The following MYO1H variants were observed in gnomAD, a reference collection of about 807,000 sequenced individuals.
MYO1H encodes unconventional myosin-Ih.
A neutral mutation model predicts 149.3 loss-of-function variants in MYO1H; 118 were observed. The observed-to-expected ratio is 0.79, with a 90% CI of 0.68 to 0.92. The LOEUF (loss-of-function observed/expected upper bound fraction) is 0.92. Among genes scored for constraint, MYO1H ranks in the 40% least tolerant of loss-of-function variants. The pLI, the probability that MYO1H is intolerant of heterozygous loss-of-function variation, is 0.00. For synonymous variants in MYO1H, 447 were observed against 465.2 expected, an observed-to-expected ratio of 0.96 and a Z score of 0.50; for missense variants, 1,212 against 1,280.7, an observed-to-expected ratio of 0.95 and a Z score of 0.82.
chr12:109,439,770 C>T lies in MYO1H; in HGVS notation c.2434C>T (p.Pro812Ser), dbSNP rs187582554. The stretch of plus-strand genomic sequence containing the variant: ...TGTCCTGGACAAGAGCTGGCTGAGG[C>T]CTCCTGGCATCTTGGAAAATGTAAG... Residue 812 changes from proline (P) to serine (S), a missense_variant, in exon 24 of 32, where the codon CCT becomes TCT. Coordinates refer to ENST00000310903, the Ensembl canonical transcript of MYO1H. 1.1e-4 allele frequency: 179 copies of T among 1,613,802 alleles called. No homozygotes were observed. Among genetic ancestry groups the T allele is most frequent in the Admixed American group, 4.0e-4 (24 of 60,020 alleles).
At chr12:109,420,172 G>A (rs149767719) in intron 15 of MYO1H, among the ~76,000 whole-genome samples, 1 of 152,236 alleles carries the variant, frequency 6.6e-6, no homozygotes, top group Non-Finnish European at 1.5e-5. Flanking sequence ...TTGGACTAGG[G>A]CAAGTGTGCA....
intron 21 of MYO1H, 144 bp from the exon 22 acceptor site, chr12:109,436,344 G>A (rs1200653177): frequency 8.1e-6 from 5 of 615,374 alleles, no homozygotes; most frequent in Non-Finnish European, 1.5e-5. Context: ...CAGGTCTGCA[G>A]TGCTGAAATA....
chr12:109,426,866 C>T (rs1472621652), intron 18 of MYO1H, among the ~76,000 whole-genome samples: 1 of 152,154 alleles, frequency 6.6e-6, no homozygotes, highest in African/African-American at 2.4e-5. Context: ...CTGTGGCAAA[C>T]TGGAGAAGGC....
At chr12:109,356,822 CTTG>C (rs889177677) in intron 1 of MYO1H, among the ~76,000 whole-genome samples, 26 of 152,182 alleles carry the variant, frequency 1.7e-4, no homozygotes, top group African/African-American at 5.8e-4. Flanking sequence ...CAACAGTCCC[CTTG>C]TTGTTAGATA....
chr12:109,418,541 G>GGTTTCGTTTT, intron 15 of MYO1H, among the ~76,000 whole-genome samples: 1 of 151,264 alleles, frequency 6.6e-6, no homozygotes, highest in South Asian at 2.1e-4. Flanking sequence ...GTAGAGACAG[G>GGTTTCGTTTT]GTTTTGTTTT....
the MYO1H span, among the ~76,000 whole-genome samples, chr12:109,339,767 T>C: frequency 6.6e-6 from 1 of 152,188 alleles, no homozygotes; most frequent in East Asian, 1.9e-4. Context: ...CAGCCTTCCT[T>C]ACCATTATGA....
intron 27 of MYO1H, among the ~76,000 whole-genome samples, chr12:109,443,007 A>ATAT (rs1268093912): frequency 9.5e-5 from 8 of 83,910 alleles, no homozygotes; most frequent in Non-Finnish European, 1.6e-4. Flanking sequence ...GAAAAAAAAA[A>ATAT]AAATATATAT....
intron 13 of MYO1H, among the ~76,000 whole-genome samples, chr12:109,411,451 G>A (rs765077510): frequency 1.3e-5 from 2 of 152,138 alleles, no homozygotes; most frequent in Non-Finnish European, 2.9e-5. Context: ...TCTTGAGGAC[G>A]AAAAATAGGA....
intron 3 of MYO1H, 105 bp downstream of exon 3, chr12:109,393,551 C>CCATCCATCCATT (rs1869761772): frequency 4.8e-5 from 29 of 609,978 alleles, no homozygotes; most frequent in African/African-American, 2.5e-4. Flanking sequence ...ATCCATCCAT[C>CCATCCATCCATT]CATCCATCCA....
At chr12:109,396,512 T>C in exon 4 of MYO1H, 2 of 1,613,958 alleles carry the variant, frequency 1.2e-6, no homozygotes, top group Non-Finnish European at 1.7e-6. Flanking sequence ...TATTTTGCAG[T>C]GACCTGCCCA....
At chr12:109,326,635 C>T in the MYO1H span, among the ~76,000 whole-genome samples, 1 of 151,954 alleles carries the variant, frequency 6.6e-6, no homozygotes, top group South Asian at 2.1e-4. Context: ...AATTCTCCTG[C>T]CTCAGCCTCC....
intron 1 of MYO1H, among the ~76,000 whole-genome samples, chr12:109,350,108 T>A (rs558506158): frequency 2.7e-4 from 41 of 152,104 alleles, no homozygotes; most frequent in Non-Finnish European, 4.9e-4. Context: ...ATAACAATGC[T>A]GATTTTAGCG....
chr12:109,412,523 T>C (rs1006443381), intron 14 of MYO1H, among the ~76,000 whole-genome samples: 5 of 152,224 alleles, frequency 3.3e-5, no homozygotes, highest in African/African-American at 9.6e-5. Flanking sequence ...ATTTTGGACA[T>C]GTCTATGTAC....
chr12:109,424,112 G>A (rs945396266), intron 16 of MYO1H, among the ~76,000 whole-genome samples: 11 of 152,134 alleles, frequency 7.2e-5, no homozygotes, highest in African/African-American at 2.7e-4. Flanking sequence ...CACTGTATGT[G>A]TGGTTTTGCG....
intron 19 of MYO1H, among the ~76,000 whole-genome samples, chr12:109,427,910 ATATATATAT>A (rs1370709852): frequency 9.0e-4 from 31 of 34,418 alleles, no homozygotes; most frequent in African/African-American, 2.7e-3. Flanking sequence ...AAAAAAAAAA[ATATATATAT>A]ATATATATAT....
chr12:109,408,813 G>A (rs553378448), intron 10 of MYO1H, among the ~76,000 whole-genome samples: 6 of 151,438 alleles, frequency 4.0e-5, no homozygotes, highest in Non-Finnish European at 8.8e-5. Flanking sequence ...TTTTTGAGAC[G>A]GAGTCCCACT....
rs577872861 is a variant in MYO1H at position 109,378,016 on chromosome 12, T to C, written c.13-10667T>C. ...GAATCTTTTAAAAACATAACCACTA[T>C]GCCATACGTTGTGATTATTGATAAC... On this transcript the variant is annotated intron_variant, in intron 1 of 31. Coordinates refer to ENST00000310903, the Ensembl canonical transcript of MYO1H. 3.9e-5 allele frequency among the ~76,000 whole-genome samples: 6 copies of C among 152,348 alleles called. 1 individual carries two copies. The highest frequency in any genetic ancestry group is 1.4e-4 in the African/African-American group (6 of 41,584).
chr12:109,433,752 C>G (rs1288036732), intron 20 of MYO1H, among the ~76,000 whole-genome samples: 1 of 149,140 alleles, frequency 6.7e-6, no homozygotes, highest in Admixed American at 6.6e-5. Flanking sequence ...GGATCAGTTA[C>G]TTAGTCAGTC....
At chr12:109,383,126 C>T (rs533226699) in intron 1 of MYO1H, among the ~76,000 whole-genome samples, 16 of 152,160 alleles carry the variant, frequency 1.1e-4, no homozygotes, top group Non-Finnish European at 1.9e-4. Flanking sequence ...AAACTCTCAC[C>T]CCCTACTTCA....
Sources: gnomAD v4.1 joint callset for allele counts (sites outside exome capture counted in the v4.1 genomes callset) on GRCh38, gnomAD v4.1.1 for gene constraint, MANE v1.5 for transcripts, NCBI Gene and HGNC (gene_info 2026-07-23, HGNC 2026-07-21) for gene names.